Variants in RABGEF1 observed in about 807,000 individuals in gnomAD.
RABGEF1 encodes the protein rab5 GDP/GTP exchange factor.
A neutral mutation model predicts 57.3 loss-of-function variants in RABGEF1; 26 were observed. The ratio of observed to expected loss-of-function variants is 0.45; its 90% CI spans 0.33 to 0.63. The LOEUF is 0.63. Ranked by LOEUF, RABGEF1 falls within the 20% of genes least tolerant of loss-of-function variation. The probability of loss-of-function intolerance (pLI) is 0.02; values close to 1 mark genes in which losing one functional copy is unlikely to be tolerated. For synonymous variants in RABGEF1, 185 were observed against 210.7 expected (o/e 0.88, Z 1.06); for missense variants, 464 against 607.6 (o/e 0.76, Z 2.48).
At chr7:66,715,509 A>G (rs1284801707) in intron 2 of RABGEF1, among the ~76,000 whole-genome samples, 2 of 152,020 alleles carry the variant, frequency 1.3e-5, no homozygotes, top group Non-Finnish European at 2.9e-5. Context: ...GACATGTTCT[A>G]TTTTCATTTT....
chr7:66,764,796 C>A (rs2129093687), intron 1 of RABGEF1, among the ~76,000 whole-genome samples: 1 of 152,346 alleles, frequency 6.6e-6, no homozygotes, highest in East Asian at 1.9e-4. Flanking sequence ...TTTCTGGAAT[C>A]TCAATTCTAT....
rs1294390442 is a variant in RABGEF1 at position 66,742,008 on chromosome 7, G to A, written c.-18+1216G>A. Among the ~76,000 whole-genome samples, 6 of 152,052 alleles carry A rather than the reference G, an allele frequency of 3.9e-5. No homozygotes were observed. In the East Asian group the frequency reaches 1.2e-3, roughly 29 times the overall value. ...AAAAAAAAGAAAAAGAAAATTTGCC[G>A]GGCATCGTGGCGGGCACCTGTAGTC... is the stretch of plus-strand genomic sequence containing the variant. On this transcript the variant is annotated intron_variant, in intron 1 of 8. Coordinates refer to ENST00000284957, the MANE Select transcript of RABGEF1 (RefSeq NM_014504.3).
chr7:66,715,153 G>A (rs535974514), intron 2 of RABGEF1, among the ~76,000 whole-genome samples: 1 of 150,988 alleles, frequency 6.6e-6, no homozygotes, highest in East Asian at 1.9e-4. Flanking sequence ...CCTGAGACAG[G>A]GTCTCACTCT....
At chr7:66,790,710 A>G (rs113493014) in intron 4 of RABGEF1, among the ~76,000 whole-genome samples, 2 of 152,360 alleles carry the variant, frequency 1.3e-5, no homozygotes, top group Non-Finnish European at 2.9e-5. Flanking sequence ...GTTGGAAAGC[A>G]GAAGTAACCA....
intron 1 of RABGEF1, among the ~76,000 whole-genome samples, chr7:66,747,322 A>G (rs1019511968): frequency 1.3e-5 from 2 of 152,200 alleles, no homozygotes; most frequent in Admixed American, 1.3e-4. Context: ...TGAAGCAGGA[A>G]TGTAACAAGA....
At chr7:66,740,969 C>G (rs1798779957) in intron 1 of RABGEF1, among the ~76,000 whole-genome samples, 177 bp downstream of exon 1, 1 of 152,172 alleles carries the variant, frequency 6.6e-6, no homozygotes, top group African/African-American at 2.4e-5. Context: ...TCTCCGTCAG[C>G]GCCGCCTTCC....
chr7:66,705,996 G>C (rs944058037), intron 1 of RABGEF1, among the ~76,000 whole-genome samples: 9 of 147,462 alleles, frequency 6.1e-5, no homozygotes, highest in Admixed American at 3.5e-4. Context: ...TCCGCTTCCC[G>C]GGTTCACGCC....
intron 4 of RABGEF1, among the ~76,000 whole-genome samples, chr7:66,791,103 G>C (rs1209140633): frequency 6.6e-6 from 1 of 152,290 alleles, no homozygotes; most frequent in Non-Finnish European, 1.5e-5. Flanking sequence ...ATTTCATGAT[G>C]ACCTTTATGA....
At chr7:66,772,731 A>G (rs1304253781) in intron 2 of RABGEF1, among the ~76,000 whole-genome samples, 2 of 151,994 alleles carry the variant, frequency 1.3e-5, no homozygotes, top group African/African-American at 4.8e-5. Flanking sequence ...CAACATGGTG[A>G]AACCCCCTCT....
chr7:66,702,607 G>A (rs1793461330), intron 1 of RABGEF1, among the ~76,000 whole-genome samples: 1 of 152,038 alleles, frequency 6.6e-6, no homozygotes, highest in South Asian at 2.1e-4. Context: ...CAACATATGA[G>A]AACTCCGATT....
intron 1 of RABGEF1, among the ~76,000 whole-genome samples, chr7:66,764,648 T>C (rs4718398): frequency 0.037 from 5,577 of 152,316 alleles, 161 homozygotes; most frequent in East Asian, 0.085. Flanking sequence ...GAAGTAAGCA[T>C]CTAACATCTA....
intron 4 of RABGEF1, among the ~76,000 whole-genome samples, chr7:66,793,517 G>C (rs1284094746): frequency 6.6e-6 from 1 of 152,148 alleles, no homozygotes; most frequent in African/African-American, 2.4e-5. Context: ...CAAATCTGTA[G>C]TAATAATCAC....
rs571792962 is a variant in RABGEF1 at position 66,716,474 on chromosome 7, G to A, written c.-815+4250G>A. Among the ~76,000 whole-genome samples, 3 of 152,174 alleles carry A rather than the reference G, an allele frequency of 2.0e-5. No individual in the cohort carries two copies. In the South Asian group the frequency reaches 6.2e-4, roughly 32 times the overall value. On this transcript the variant is annotated intron_variant and NMD_transcript_variant, in intron 2 of 9. Transcript: ENST00000607882. ...AAATTAGCTAGGTGTGGCGGCATGT[G>A]CCTGTAGTCCTAGCTACTCAGGAGG... is the stretch of plus-strand genomic sequence containing the variant.
In RABGEF1 at chr7:66,805,248, C is replaced by T. The variant is rs746993908; in HGVS notation, c.929C>T (p.Ala310Val). Reference protein sequence around the residue: ...NAIKITKNEPASADDFLPTLI... With the variant: ...NAIKITKNEPVSADDFLPTLI... ...ATCAAGATCACCAAGAATGAGCCGG[C>T]GTCAGCGGATGACTTCCTCCCCACC... is the stretch of plus-strand genomic sequence containing the variant. The change falls in exon 8 of 9, where the codon GCG (alanine) becomes GTG (valine). Residue 310 changes from alanine to valine, a missense_variant. Coordinates refer to ENST00000284957, the MANE Select transcript of RABGEF1 (RefSeq NM_014504.3). 3.1e-5 allele frequency: 50 copies of T among 1,614,074 alleles called. No homozygotes were observed. The highest frequency in any genetic ancestry group is 4.4e-5 in the South Asian group (4 of 91,088).
At chr7:66,680,049 G>C (rs1269335737), upstream of RABGEF1, among the ~76,000 whole-genome samples, 3 of 152,086 alleles carry the variant, frequency 2.0e-5, no homozygotes, top group African/African-American at 7.2e-5. Context: ...CAAAAAAAGA[G>C]GAAACACTCA....
chr7:66,757,853 C>T (rs980184956), intron 1 of RABGEF1, among the ~76,000 whole-genome samples: 2 of 152,112 alleles, frequency 1.3e-5, no homozygotes, highest in African/African-American at 4.8e-5. Flanking sequence ...CCTCGTGATC[C>T]GCCCGCCTCG....
At chr7:66,750,173 T>C (rs375706641) in intron 1 of RABGEF1, among the ~76,000 whole-genome samples, 1 of 152,194 alleles carries the variant, frequency 6.6e-6, no homozygotes, top group East Asian at 1.9e-4. Flanking sequence ...ATTTTATTTG[T>C]AGTGAGTGCA....
intron 5 of RABGEF1, 145 bp downstream of exon 5, chr7:66,795,737 A>G (rs753282089): frequency 4.0e-6 from 3 of 753,656 alleles, no homozygotes; most frequent in Non-Finnish European, 7.0e-6. Flanking sequence ...AACTGGTCTT[A>G]TACTTAGCAG....
intron 1 of RABGEF1, among the ~76,000 whole-genome samples, chr7:66,693,162 C>CG: frequency 6.6e-6 from 1 of 152,068 alleles, no homozygotes; most frequent in African/African-American, 2.4e-5. Flanking sequence ...GGGGGAGATT[C>CG]GGGGACAGGG....
Sources: gnomAD v4.1 joint callset for allele counts (sites outside exome capture counted in the v4.1 genomes callset) on GRCh38, gnomAD v4.1.1 for gene constraint, MANE v1.5 for transcripts, NCBI Gene and HGNC (gene_info 2026-07-23, HGNC 2026-07-21) for gene names.